KMT2A: variants seen among roughly 807,000 people sequenced by gnomAD.
KMT2A encodes the protein histone-lysine N-methyltransferase 2A.
A neutral mutation model predicts 345.3 loss-of-function variants in KMT2A; 16 were observed. The ratio of observed to expected loss-of-function variants is 0.05; its 90% CI spans 0.03 to 0.07. KMT2A has a LOEUF of 0.07. Ranked by LOEUF, KMT2A falls within the 10% of genes least tolerant of loss-of-function variation. The pLI, the probability that KMT2A is intolerant of heterozygous loss-of-function variation, is 1.00. For missense variants in KMT2A, 3,272 were observed against 4,841.6 expected, an observed-to-expected ratio of 0.68 and a Z score of 9.62; for synonymous variants, 1,599 against 1,778.6, an observed-to-expected ratio of 0.90 and a Z score of 2.54.
chr11:118,487,437 T>C (rs148643334), intron 10 of KMT2A, among the ~76,000 whole-genome samples: 6,282 of 152,296 alleles, frequency 0.041, 181 homozygotes, highest in South Asian at 0.068. Context: ...TTTTTTAAAC[T>C]TTTTATGTTG....
intron 27 of KMT2A, 124 bp downstream of exon 27, chr11:118,506,770 C>A: frequency 9.9e-7 from 1 of 1,011,888 alleles, no homozygotes; most frequent in Non-Finnish European, 1.4e-6. Context: ...GGGAGTTTTC[C>A]GGGTTTTGAC....
chr11:118,468,934 T>G (rs1335015176), intron 2 of KMT2A, 90 bp downstream of exon 2: 1 of 936,098 alleles, frequency 1.1e-6, no homozygotes, highest in Non-Finnish European at 1.7e-6. Context: ...TAAAGGATGC[T>G]CTACCATACT....
At chr11:118,478,233 C>A in intron 5 of KMT2A, 32 bp downstream of exon 5, 1 of 1,519,640 alleles carries the variant, frequency 6.6e-7, no homozygotes, top group Non-Finnish European at 9.1e-7. Context: ...AGATGTTGAC[C>A]TCTCAACCAT....
rs1555046568 is a variant in KMT2A, at chr11:118,503,330, C to G, written c.7438C>G (p.Arg2480Gly). Residue 2480 changes from arginine to glycine, a missense_variant, in exon 27 of 36, where the codon CGA becomes GGA. This residue lies in a region of KMT2A where 445 missense variants were observed against 500.9 expected (regional missense o/e 0.89). Coordinates refer to ENST00000534358, the MANE Select transcript of KMT2A (RefSeq NM_001197104.2). This position sits in a 1 kb window ranked among gnomAD's most constrained non-coding sequence, Gnocchi z 5.3. ...EVLTPEYMGQRPCNNVSSDKI... is the reference protein window; with the variant it reads ...EVLTPEYMGQGPCNNVSSDKI... ...TTTGACTCCTGAGTATATGGGCCAA[C>G]GACCATGTAACAATGTTTCTTCTGA... The G allele has an allele frequency of 1.2e-6, 2 of 1,613,986 alleles. No homozygotes were observed. Among genetic ancestry groups the G allele is most frequent in the African/African-American group, 2.7e-5 (2 of 75,006 alleles).
Position 118,494,830 on chromosome 11 carries a change from T to C in KMT2A, c.5363+63T>C, listed in dbSNP as rs1950379166. ...GGCTAGAAATCTGAGAGTTCTCATA[T>C]TTCTAGATTGCAGTTTTCCAAAAGG... On this transcript the variant is annotated intron_variant, in intron 18 of 35. Transcript: ENST00000534358. The surrounding 1 kb of genome is among the most constrained non-coding windows in gnomAD (Gnocchi z 5.8). 2.3e-6 allele frequency: 3 copies of C among 1,307,102 alleles called. No homozygotes were observed. The highest frequency in any genetic ancestry group is 1.2e-5 in the South Asian group (1 of 80,602). 81.0% of individuals were successfully genotyped at this position (1,307,102 alleles called of 1,614,324 possible).
chr11:118,454,325 C>T (rs1413531421), intron 1 of KMT2A, among the ~76,000 whole-genome samples: 1 of 152,218 alleles, frequency 6.6e-6, no homozygotes, highest in African/African-American at 2.4e-5. Flanking sequence ...CTTCTCATCT[C>T]ATCCATTCTG....
rs782199067 is a variant in KMT2A, at chr11:118,484,243, C to G, written c.4147C>G (p.Leu1383Val). 3 of 1,614,146 alleles carry G rather than the reference C, an allele frequency of 1.9e-6. No individual in the cohort carries two copies. Among genetic ancestry groups the G allele is most frequent in the Non-Finnish European group, 2.5e-6 (3 of 1,179,986 alleles). Residue 1383 changes from leucine to valine, a missense_variant, in exon 9 of 36, where the codon CTC (leucine) becomes GTC (valine). Physicochemically the swap from Leu to Val is conservative, Grantham distance 32 (BLOSUM62 1). Transcript: ENST00000534358. The surrounding 1 kb of genome is among the most constrained non-coding windows in gnomAD (Gnocchi z 4.1). ...NAGTLNILST[L>V]SNGNSSKQKI... Reference sequence around the variant, plus strand: ...AGGCACTTTGAACATCCTCAGCACTCTCTCCAATGGCAATAGTTCTAAGCA... The same window carrying G: ...AGGCACTTTGAACATCCTCAGCACTGTCTCCAATGGCAATAGTTCTAAGCA...
intron 1 of KMT2A, chr11:118,447,816 C>A: frequency 8.5e-6 from 2 of 235,116 alleles, no homozygotes; most frequent in Admixed American, 5.3e-5. Flanking sequence ...TTTCCCAGCT[C>A]CACTGACAGC....
At chr11:118,519,174 T>A (rs1251971231) in intron 31 of KMT2A, among the ~76,000 whole-genome samples, 1 of 152,004 alleles carries the variant, frequency 6.6e-6, no homozygotes, top group African/African-American at 2.4e-5. Flanking sequence ...CTAGATGGAT[T>A]ATATTTGTAG....
intron 26 of KMT2A, 35 bp downstream of exon 26, chr11:118,501,892 G>T: frequency 6.5e-7 from 1 of 1,533,466 alleles, no homozygotes; most frequent in Non-Finnish European, 8.9e-7. Context: ...GACCTAAGAA[G>T]ATCAGCCCAA....
At position 118,503,457 on chromosome 11, in the gene KMT2A, C is replaced by G; in HGVS notation, c.7565C>G (p.Thr2522Arg). ...GAATTACAGGCACCACGGAAACGCACAGTCAAAGTGACACTGACACCTCTA... is the reference window on the plus strand; with the variant it reads ...GAATTACAGGCACCACGGAAACGCAGAGTCAAAGTGACACTGACACCTCTA... ...AKELQAPRKR[T>R]VKVTLTPLKM... Residue 2522 changes from threonine to arginine, a missense_variant, in exon 27 of 36, where the codon ACA (threonine) becomes AGA (arginine). Physicochemically the swap from Thr to Arg is moderately conservative, Grantham distance 71. Around this residue, in one of 27 missense-constraint regions of KMT2A, gnomAD observed 445 missense variants for 500.9 expected, o/e 0.89. Coordinates refer to ENST00000534358, the MANE Select transcript of KMT2A (RefSeq NM_001197104.2). This position sits in a 1 kb window ranked among gnomAD's most constrained non-coding sequence, Gnocchi z 5.3. The G allele has an allele frequency of 6.2e-7, 1 of 1,614,120 alleles. No individual in the cohort carries two copies. Among genetic ancestry groups the G allele is most frequent in the Non-Finnish European group, 8.5e-7 (1 of 1,179,966 alleles).
chr11:118,480,105 A>G (rs1313648066), intron 5 of KMT2A, 69 bp from the exon 6 acceptor site: 5 of 1,251,584 alleles, frequency 4.0e-6, no homozygotes, highest in Non-Finnish European at 5.9e-6. Context: ...TGCAGACAAA[A>G]TGAACACTTG....
chr11:118,489,943 T>TA, intron 12 of KMT2A, 56 bp downstream of exon 12: 1 of 1,517,640 alleles, frequency 6.6e-7, no homozygotes, highest in Non-Finnish European at 9.1e-7. Context: ...CTATTGGACT[T>TA]ATGTAACTTG....
intron 1 of KMT2A, among the ~76,000 whole-genome samples, chr11:118,437,554 A>G (rs1189899029): frequency 9.3e-6 from 1 of 107,098 alleles, no homozygotes; most frequent in Non-Finnish European, 1.9e-5. Flanking sequence ...CCCCACCCCA[A>G]GCAGACCGAT....
chr11:118,492,714 T>C (rs1950345846), intron 15 of KMT2A, among the ~76,000 whole-genome samples: 1 of 152,146 alleles, frequency 6.6e-6, no homozygotes, highest in African/African-American at 2.4e-5. Context: ...CATGGATCAC[T>C]TTACCTCAGA....
intron 1 of KMT2A, 60 bp downstream of exon 1, chr11:118,437,004 TC>T (rs1949199404): frequency 3.0e-6 from 4 of 1,346,862 alleles, no homozygotes; most frequent in Non-Finnish European, 2.9e-6. Context: ...CCCCCTCCCC[TC>T]CCCCATCCGG....
intron 1 of KMT2A, chr11:118,438,983 T>G: frequency 2.1e-6 from 1 of 466,408 alleles, no homozygotes; most frequent in Non-Finnish European, 4.3e-6. Flanking sequence ...TTGCTGTAGA[T>G]TATTATTTTT....
intron 15 of KMT2A, among the ~76,000 whole-genome samples, chr11:118,492,506 C>T (rs1024028796): frequency 6.6e-6 from 1 of 152,142 alleles, no homozygotes. Flanking sequence ...GGTGAAACCC[C>T]GTCTCTACTA....
At position 118,503,146 on chromosome 11, in the gene KMT2A, C is replaced by T. The variant is rs2071702; in HGVS notation, c.7254C>T (p.Asn2418=). 102,024 of 1,613,462 alleles carry T rather than the reference C, an allele frequency of 0.063. 3,632 individuals carry two copies. Among genetic ancestry groups the T allele is most frequent in the African/African-American group, 0.12 (9,039 of 74,916 alleles). The change falls in exon 27 of 36, where the codon AAC becomes AAT. Residue 2418 remains asparagine, a synonymous_variant. Coordinates refer to ENST00000534358, the MANE Select transcript of KMT2A (RefSeq NM_001197104.2). The surrounding 1 kb of genome is among the most constrained non-coding windows in gnomAD (Gnocchi z 5.3). Reference sequence around the variant, plus strand: ...TGAGCAACAGATCATCCATTATCAACGAACATATGGGATCTAGTTCCAGAG... The same window carrying T: ...TGAGCAACAGATCATCCATTATCAATGAACATATGGGATCTAGTTCCAGAG... The part of the protein sequence containing the change: ...SGMSNRSSII[N]EHMGSSSRDR...
Sources: allele counts gnomAD v4.1 joint callset (sites outside exome capture counted in the v4.1 genomes callset), GRCh38; gene constraint gnomAD v4.1.1; regional missense constraint gnomAD v4.1.1; non-coding constraint Gnocchi (gnomAD v3.1); transcripts MANE v1.5; gene names NCBI Gene and HGNC (gene_info 2026-07-23, HGNC 2026-07-21).